The following ASPA variants were observed in gnomAD, a reference collection of about 807,000 sequenced individuals.
ASPA encodes the protein aspartoacylase, also known as ACY-2.
Under a neutral mutation model 29.6 loss-of-function variants are expected in ASPA, and 25 were observed. The ratio of observed to expected loss-of-function variants is 0.85; its 90% CI spans 0.62 to 1.18. The LOEUF (loss-of-function observed/expected upper bound fraction) is 1.18, where lower values mean the gene tolerates loss of function less well. Ranked by LOEUF, ASPA falls within the 50% of genes most tolerant of loss-of-function variation. ASPA has a pLI of 0.00. For synonymous variants in ASPA, 131 were observed against 130.3 expected, an observed-to-expected ratio of 1.01 and a Z score of -0.04; for missense variants, 333 against 385.7, an observed-to-expected ratio of 0.86 and a Z score of 1.14.
Position 3,476,228 on chromosome 17 carries a change from TGA to T in ASPA, c.71_72del (p.Glu24AlafsTer8). On this transcript the variant is annotated frameshift_variant, in exon 1 of 6. Coordinates refer to ENST00000263080, the MANE Select transcript of ASPA (RefSeq NM_000049.4). LOFTEE classifies it high-confidence loss of function. Reference protein sequence around the residue: ...VAIFGGTHGNELTGVFLVKHW... With the variant: ...VAIFGGTHGNXLTGVFLVKHW... ...CTATCTTTGGAGGAACCCATGGGAA[TGA>T]GCTAACCGGAGTATTTCTGGTTAAG... 1 of 1,614,170 alleles carries T rather than the reference TGA, an allele frequency of 6.2e-7. No individual in the cohort carries two copies. The highest frequency in any genetic ancestry group is 8.5e-7 in the Non-Finnish European group (1 of 1,180,030).
rs2073809193 is a variant in ASPA, at chr17:3,490,643, C to A, written c.634+1301C>A. ...GCTTTTTACCATCTTTGTCTGAGGG[C>A]AGGTTCTATACTGTCTAATGGAACT... On this transcript the variant is annotated intron_variant, in intron 4 of 5. Transcript: ENST00000263080. The surrounding 1 kb of genome is among the most constrained non-coding windows in gnomAD (Gnocchi z 4.6). 6.6e-6 allele frequency among the ~76,000 whole-genome samples: 1 copy of A among 152,154 alleles called. No individual in the cohort carries two copies. Among genetic ancestry groups the A allele is most frequent in the Non-Finnish European group, 1.5e-5 (1 of 68,034 alleles).
At position 3,483,490 on chromosome 17, in the gene ASPA, T is replaced by A. The variant is rs2150748576; in HGVS notation, c.433-9T>A. The A allele has an allele frequency of 1.9e-6, 3 of 1,613,474 alleles. No homozygotes were observed. Among genetic ancestry groups the A allele is most frequent in the Non-Finnish European group, 2.5e-6 (3 of 1,179,456 alleles). ...TTTACCTAAGAAAGACGTTTTTGAT[T>A]TTTTTCAGACTTCTCTGGCTCCACT... On this transcript the variant is annotated splice_polypyrimidine_tract_variant and intron_variant, in intron 2 of 5. Coordinates refer to ENST00000263080, the MANE Select transcript of ASPA (RefSeq NM_000049.4).
rs866030859 is a variant in ASPA, at chr17:3,481,681, T to C, written c.315T>C (p.Ser105=). 8 of 1,613,900 alleles carry C rather than the reference T, an allele frequency of 5.0e-6. No individual in the cohort carries two copies. The Middle Eastern group carries it at 1.3e-3, about 267-fold the overall frequency. Residue 105 remains serine, a synonymous_variant, in exon 2 of 6, where the codon AGT becomes AGC. Transcript: ENST00000263080. ...EINHLFGPKD[S]EDSYDIIFDL... is the part of the protein sequence containing the mutation. ...ATCATTTATTTGGTCCAAAAGACAGTGAAGATTCCTATGACATTATTTTTG... is the reference window on the plus strand; with the variant it reads ...ATCATTTATTTGGTCCAAAAGACAGCGAAGATTCCTATGACATTATTTTTG...
At chr17:3,495,671 C>A (rs536526524) in intron 5 of ASPA, among the ~76,000 whole-genome samples, 1 of 152,304 alleles carries the variant, frequency 6.6e-6, no homozygotes, top group Non-Finnish European at 1.5e-5. Context: ...CGGGTTCAAG[C>A]AATTCTCCTG....
At position 3,485,718 on chromosome 17, in the gene ASPA, C is replaced by T. The variant is rs184497126; in HGVS notation, c.526+2126C>T. 2.0e-5 allele frequency among the ~76,000 whole-genome samples: 3 copies of T among 152,144 alleles called. No homozygotes were observed. The highest frequency in any genetic ancestry group is 2.9e-5 in the Non-Finnish European group (2 of 68,018). On this transcript the variant is annotated intron_variant, in intron 3 of 5. Coordinates refer to ENST00000263080, the MANE Select transcript of ASPA (RefSeq NM_000049.4). The surrounding 1 kb of genome is among the most constrained non-coding windows in gnomAD (Gnocchi z 4.4). ...TGTCAAAGATCTGAGAAATTTTACC[C>T]GACTTACAAGCTAACCATTAGCCTA...
intron 1 of ASPA, among the ~76,000 whole-genome samples, chr17:3,478,166 C>T (rs1380425805): frequency 6.6e-6 from 1 of 151,694 alleles, no homozygotes; most frequent in Non-Finnish European, 1.5e-5. Context: ...GCCTGGGTGA[C>T]AGAGCGAGAC....
intron 4 of ASPA, among the ~76,000 whole-genome samples, 155 bp from the exon 5 acceptor site, chr17:3,494,195 G>T (rs2073872509): frequency 6.6e-6 from 1 of 151,856 alleles, no homozygotes; most frequent in Non-Finnish European, 1.5e-5. Flanking sequence ...AGTGGAGATG[G>T]GGTTCACCAT....
chr17:3,475,893 A>G (rs1322692703), upstream of ASPA: 11 of 482,398 alleles, frequency 2.3e-5, no homozygotes, highest in Non-Finnish European at 4.1e-5. Flanking sequence ...TGAGGGAGTT[A>G]GAAGTTAAAG....
At chr17:3,484,989 CTT>C (rs2073694566) in intron 3 of ASPA, among the ~76,000 whole-genome samples, 1 of 152,074 alleles carries the variant, frequency 6.6e-6, no homozygotes, top group Non-Finnish European at 1.5e-5. Context: ...ACAATTCTAA[CTT>C]ATAAATGATC....
Position 3,486,255 on chromosome 17 carries a change from G to T in ASPA, c.526+2663G>T, listed in dbSNP as rs180687904. 1.2e-4 allele frequency among the ~76,000 whole-genome samples: 18 copies of T among 152,258 alleles called. No individual in the cohort carries two copies. The East Asian group carries it at 3.5e-3, about 29-fold the overall frequency. ...GGCTGTGAACCTTCATTTTTATAAT[G>T]GGCAGTAGGCACGAGTGCCCTTTGC... is the stretch of plus-strand genomic sequence containing the variant. On this transcript the variant is annotated intron_variant, in intron 3 of 5. Coordinates refer to ENST00000263080, the MANE Select transcript of ASPA (RefSeq NM_000049.4).
At chr17:3,491,203 T>C (rs781780920) in intron 4 of ASPA, among the ~76,000 whole-genome samples, 3 of 152,230 alleles carry the variant, frequency 2.0e-5, no homozygotes, top group Admixed American at 6.5e-5. Context: ...ATCCAAGAAG[T>C]CCTGACAATC....
chr17:3,499,615 C>G lies in ASPA; in HGVS notation c.*527C>G, dbSNP rs565879856. 6.6e-5 allele frequency: 10 copies of G among 152,564 alleles called. No individual in the cohort carries two copies. The highest frequency in any genetic ancestry group is 2.4e-4 in the African/African-American group (10 of 41,530). The allele number at this position is 152,564 out of a possible 1,614,324, so 9.5% of individuals were successfully genotyped here. ...TATTTATTATATCTGCTATGGTGAT[C>G]TGTGATCAGTGGCCTTTGATGTTAC... On this transcript the variant is annotated 3_prime_UTR_variant, in exon 6 of 6. Transcript: ENST00000263080.
At position 3,476,055 on chromosome 17, in the gene ASPA, T is replaced by C. The variant is rs886052822; in HGVS notation, c.-105T>C. ...CTCAAGGGAATTCTGTACTTTGCCC[T>C]TTGGGTAAAGTCTCATTTACATTTC... On this transcript the variant is annotated 5_prime_UTR_variant, in exon 1 of 6. Transcript: ENST00000263080. 9.2e-7 allele frequency: 1 copy of C among 1,083,506 alleles called. No homozygotes were observed. The highest frequency in any genetic ancestry group is 1.4e-6 in the Non-Finnish European group (1 of 726,190). The allele number at this position is 1,083,506 out of a possible 1,614,324, so 67.1% of individuals were successfully genotyped here.
rs1263945961 is a variant in ASPA, at chr17:3,485,162, G to C, written c.526+1570G>C. Among the ~76,000 whole-genome samples, 5 of 152,102 alleles carry C rather than the reference G, an allele frequency of 3.3e-5. No homozygotes were observed. The East Asian group carries it at 9.6e-4, about 29-fold the overall frequency. On this transcript the variant is annotated intron_variant, in intron 3 of 5. Transcript: ENST00000263080. The surrounding 1 kb of genome is among the most constrained non-coding windows in gnomAD (Gnocchi z 4.4). ...GCCTCCCAAGTAGCTTGAACTACAG[G>C]CACGTGCCACCACATTCAGCTAATT...
At chr17:3,495,935 A>T (rs903842042) in intron 5 of ASPA, among the ~76,000 whole-genome samples, 2 of 152,194 alleles carry the variant, frequency 1.3e-5, no homozygotes, top group Non-Finnish European at 2.9e-5. Flanking sequence ...TTGGTGACAA[A>T]AATATCAAGT....
chr17:3,482,745 T>C (rs982614468), intron 2 of ASPA, among the ~76,000 whole-genome samples: 1 of 151,962 alleles, frequency 6.6e-6, no homozygotes, highest in African/African-American at 2.4e-5. Flanking sequence ...GTGGTCCTGG[T>C]AGGAGATCAT....
chr17:3,482,871 T>C (rs1026694260), intron 2 of ASPA, among the ~76,000 whole-genome samples: 2 of 151,610 alleles, frequency 1.3e-5, no homozygotes, highest in Non-Finnish European at 2.9e-5. Flanking sequence ...ACATGTGCCA[T>C]GTTGGTGTGC....
At chr17:3,493,334 G>A (rs368782564) in intron 4 of ASPA, among the ~76,000 whole-genome samples, 11 of 152,060 alleles carry the variant, frequency 7.2e-5, no homozygotes, top group African/African-American at 2.2e-4. Flanking sequence ...AGGCTGAGGC[G>A]GGCGGATCAC....
At chr17:3,494,243 A>T in intron 4 of ASPA, 107 bp from the exon 5 acceptor site, 1 of 787,694 alleles carries the variant, frequency 1.3e-6, no homozygotes. Flanking sequence ...ACCTCAGGTG[A>T]TCCACCCAAC....
Sources: gnomAD v4.1 joint callset for allele counts (sites outside exome capture counted in the v4.1 genomes callset) on GRCh38, gnomAD v4.1.1 for gene constraint, Gnocchi (gnomAD v3.1) non-coding constraint, MANE v1.5 for transcripts, NCBI Gene and HGNC (gene_info 2026-07-23, HGNC 2026-07-21) for gene names.